Variants in IRAG1 observed in about 807,000 individuals in gnomAD.
The protein encoded by IRAG1 is inositol 1,4,5-triphosphate receptor associated 1, also known as IP3R-associated cGMP kinase substrate.
In IRAG1, 62 loss-of-function variants were observed where a neutral mutation model predicts 106.2. The observed-to-expected ratio is 0.58, with a 90% CI of 0.48 to 0.72. The LOEUF (loss-of-function observed/expected upper bound fraction) is 0.72. IRAG1 is among the 30% of genes least tolerant of loss of function. The pLI, the probability that IRAG1 is intolerant of heterozygous loss-of-function variation, is 0.00. For synonymous variants in IRAG1, 462 were observed against 443.9 expected, an observed-to-expected ratio of 1.04 and a Z score of -0.51; for missense variants, 1,064 against 1,140.7, an observed-to-expected ratio of 0.93 and a Z score of 0.97.
intron 2 of IRAG1, among the ~76,000 whole-genome samples, chr11:10,642,872 A>G (rs1292257422): frequency 2.6e-5 from 4 of 152,110 alleles, no homozygotes; most frequent in Non-Finnish European, 5.9e-5. Context: ...ACAGGATAAA[A>G]GGACTCTCTG....
At chr11:10,643,031 C>T (rs9633863) in intron 2 of IRAG1, among the ~76,000 whole-genome samples, 1 of 151,862 alleles carries the variant, frequency 6.6e-6, no homozygotes, top group African/African-American at 2.4e-5. Flanking sequence ...CAAAATTAGC[C>T]GGGCATGGTG....
At chr11:10,685,290 T>C (rs1401302653) in intron 1 of IRAG1, among the ~76,000 whole-genome samples, 1 of 151,288 alleles carries the variant, frequency 6.6e-6, no homozygotes, top group Admixed American at 6.6e-5. Context: ...CTACTAAAAA[T>C]GCAAAAAATT....
chr11:10,624,189 G>A (rs1304254820), intron 9 of IRAG1, among the ~76,000 whole-genome samples: 3 of 152,210 alleles, frequency 2.0e-5, no homozygotes, highest in Admixed American at 2.0e-4. Context: ...AGGACACACA[G>A]GGGCAGAACT....
intron 1 of IRAG1, chr11:10,658,521 C>T (rs1859120478): frequency 6.4e-6 from 1 of 155,142 alleles, no homozygotes; most frequent in Non-Finnish European, 1.4e-5. Context: ...AAAACCAAGC[C>T]AAGGCTCAGA....
intron 2 of IRAG1, among the ~76,000 whole-genome samples, chr11:10,649,311 T>A (rs60189142): frequency 6.6e-6 from 1 of 152,144 alleles, no homozygotes; most frequent in Non-Finnish European, 1.5e-5. Flanking sequence ...AAAGTTGAGT[T>A]TGATGTGGCC....
At chr11:10,594,122 C>T in intron 16 of IRAG1, 24 bp downstream of exon 16, 1 of 1,592,862 alleles carries the variant, frequency 6.3e-7, no homozygotes, top group South Asian at 1.1e-5. Context: ...TCCAGGAGCC[C>T]TGGTATTCCT....
chr11:10,637,369 C>T (rs1857219186), intron 2 of IRAG1, among the ~76,000 whole-genome samples: 1 of 152,092 alleles, frequency 6.6e-6, no homozygotes, highest in Non-Finnish European at 1.5e-5. Context: ...ACACAGATAC[C>T]CATCCTTCTG....
intron 3 of IRAG1, 85 bp from the exon 4 acceptor site, chr11:10,632,146 TTTTCTTTC>T (rs150017434): frequency 9.0e-6 from 8 of 890,136 alleles, no homozygotes; most frequent in Non-Finnish European, 1.4e-5. Flanking sequence ...TTCTTTTTCT[TTTTCTTTC>T]TTTCTTTCTT....
At chr11:10,606,315 C>T (rs1854476057) in intron 12 of IRAG1, among the ~76,000 whole-genome samples, 1 of 152,238 alleles carries the variant, frequency 6.6e-6, no homozygotes, top group African/African-American at 2.4e-5. Flanking sequence ...CTCCGCTGAG[C>T]TGGCATTCTT....
At chr11:10,579,604 T>A (rs1851184611) in intron 20 of IRAG1, among the ~76,000 whole-genome samples, 1 of 55,106 alleles carries the variant, frequency 1.8e-5, no homozygotes, top group African/African-American at 7.6e-5. Context: ...GGTTATTATA[T>A]CTGTGGGGTA....
chr11:10,628,420 G>A lies in IRAG1; in HGVS notation c.652+331C>T, dbSNP rs1856430229. ...GAAAGGGAAGAAGTCAGACCCCAAA[G>A]AGGCCTTTCTGTATAAGCTCTTGAG... On this transcript the variant is annotated intron_variant, in intron 6 of 20. Coordinates refer to ENST00000423302, the MANE Select transcript of IRAG1 (RefSeq NM_130385.4). This position sits in a 1 kb window ranked among gnomAD's most constrained non-coding sequence, Gnocchi z 4.1. Among the ~76,000 whole-genome samples the A allele has an allele frequency of 6.6e-6, 1 of 152,190 alleles. No individual in the cohort carries two copies. The highest frequency in any genetic ancestry group is 2.4e-5 in the African/African-American group (1 of 41,442).
intron 1 of IRAG1, among the ~76,000 whole-genome samples, chr11:10,685,458 A>G (rs1389085634): frequency 6.6e-6 from 1 of 151,910 alleles, no homozygotes; most frequent in African/African-American, 2.4e-5. Context: ...ATACTTTAGT[A>G]ATCTCAGTGC....
At chr11:10,622,603 C>G (rs1014874838) in intron 10 of IRAG1, among the ~76,000 whole-genome samples, 2 of 152,136 alleles carry the variant, frequency 1.3e-5, no homozygotes, top group Non-Finnish European at 2.9e-5. Context: ...CTCCCAGGCT[C>G]AAGCGATCCT....
rs116626089 is a variant in IRAG1, at chr11:10,672,897, C to T, written c.67+20639G>A. ...TTCATAGCAGCACTATTTATAATAG[C>T]CAAAACATGGAAATAAACTAAATGT... On this transcript the variant is annotated intron_variant, in intron 1 of 20. Transcript: ENST00000423302. 5.7e-3 allele frequency among the ~76,000 whole-genome samples: 865 copies of T among 152,142 alleles called. 9 individuals are homozygous for T. Among genetic ancestry groups the T allele is most frequent in the African/African-American group, 0.019 (808 of 41,462 alleles).
chr11:10,627,964 T>C lies in IRAG1; in HGVS notation c.705+9A>G, dbSNP rs558284982. On this transcript the variant is annotated intron_variant, in intron 7 of 20. Coordinates refer to ENST00000423302, the MANE Select transcript of IRAG1 (RefSeq NM_130385.4). Reference sequence around the variant, plus strand: ...TAGAAACAGCACAGCAGGTGGGGGGTCCTGTCACCTGTGGTGGTGCTCCAG... The same window carrying C: ...TAGAAACAGCACAGCAGGTGGGGGGCCCTGTCACCTGTGGTGGTGCTCCAG... 1.6e-5 allele frequency: 25 copies of C among 1,600,514 alleles called. No individual in the cohort carries two copies. The African/African-American group carries it at 3.2e-4, about 21-fold the overall frequency.
intron 11 of IRAG1, among the ~76,000 whole-genome samples, chr11:10,608,226 G>A (rs1214161204): frequency 6.6e-6 from 1 of 152,112 alleles, no homozygotes. Flanking sequence ...CTGGGTTCAA[G>A]CAATCCTCCT....
intron 13 of IRAG1, among the ~76,000 whole-genome samples, chr11:10,603,843 G>C (rs1854247134): frequency 6.6e-6 from 1 of 152,222 alleles, no homozygotes; most frequent in Non-Finnish European, 1.5e-5. Flanking sequence ...AAAGGTGGTA[G>C]TCTGCAAGCC....
At chr11:10,583,777 CT>C (rs946794003) in intron 18 of IRAG1, among the ~76,000 whole-genome samples, 18 of 152,222 alleles carry the variant, frequency 1.2e-4, no homozygotes, top group African/African-American at 4.3e-4. Flanking sequence ...AGAATCTCTC[CT>C]TGTTTGTAAC....
intron 10 of IRAG1, among the ~76,000 whole-genome samples, chr11:10,612,036 A>G (rs1855006652): frequency 6.6e-6 from 1 of 152,254 alleles, no homozygotes; most frequent in African/African-American, 2.4e-5. Context: ...AGGAAGGAAG[A>G]CTAACGGTAA....
Sources: gnomAD v4.1 joint callset for allele counts (sites outside exome capture counted in the v4.1 genomes callset) on GRCh38, gnomAD v4.1.1 for gene constraint, Gnocchi (gnomAD v3.1) non-coding constraint, MANE v1.5 for transcripts, NCBI Gene and HGNC (gene_info 2026-07-23, HGNC 2026-07-21) for gene names.